Variants in INPP4A observed in about 807,000 individuals in gnomAD.
INPP4A encodes inositol polyphosphate-4-phosphatase, type I, 107kD.
Under a neutral mutation model 119.8 loss-of-function variants are expected in INPP4A, and 33 were observed. That is an observed-to-expected ratio of 0.28 (90% CI 0.21 to 0.37). INPP4A has a LOEUF of 0.37. Among genes scored for constraint, INPP4A ranks in the 10% least tolerant of loss-of-function variants. The pLI, the probability that INPP4A is intolerant of heterozygous loss-of-function variation, is 1.00. For synonymous variants in INPP4A, 496 were observed against 500.7 expected, an observed-to-expected ratio of 0.99 and a Z score of 0.12; for missense variants, 956 against 1,289.9, an observed-to-expected ratio of 0.74 and a Z score of 3.97.
In INPP4A at chr2:98,592,182, C is replaced by G. The variant is rs143135043; in HGVS notation, c.*4574C>G. 9 of 152,440 alleles carry G rather than the reference C, an allele frequency of 5.9e-5. No individual in the cohort carries two copies. In the East Asian group the frequency reaches 1.7e-3, roughly 29 times the overall value. 9.4% of individuals were successfully genotyped at this position (152,440 alleles called of 1,614,324 possible). ...CAAACTCTCTTCTTCTTATCACTTT[C>G]TCCCCAAAATGTCCTCTTCTACCAG... On this transcript the variant is annotated 3_prime_UTR_variant, in exon 25 of 25. Coordinates refer to ENST00000409851, the MANE Select transcript of INPP4A (RefSeq NM_001134225.2).
rs568623074 is a variant in INPP4A, at chr2:98,592,394, C to T, written c.*4786C>T. ...GCAGGAAACAGCTCAGGCTGCCTGA[C>T]CTGGCCCCCGGCTGCCCATGAGGGC... On this transcript the variant is annotated 3_prime_UTR_variant, in exon 25 of 25. Transcript: ENST00000409851. The T allele has an allele frequency of 3.3e-5, 5 of 152,332 alleles. No individual in the cohort carries two copies. In the South Asian group the frequency reaches 1.0e-3, roughly 32 times the overall value. 9.4% of individuals were successfully genotyped at this position (152,332 alleles called of 1,614,324 possible).
intron 1 of INPP4A, among the ~76,000 whole-genome samples, chr2:98,472,294 G>C (rs1251244996): frequency 3.3e-5 from 5 of 152,218 alleles, no homozygotes. Context: ...CCTGCTCCTG[G>C]GAGTTCCCTC....
At chr2:98,460,911 G>T (rs889315376) in intron 1 of INPP4A, among the ~76,000 whole-genome samples, 1 of 152,216 alleles carries the variant, frequency 6.6e-6, no homozygotes, top group African/African-American at 2.4e-5. Context: ...ACACCATGAG[G>T]AAGAGGAAGC....
chr2:98,545,902 C>A, intron 11 of INPP4A, 67 bp from the exon 12 acceptor site: 1 of 1,144,768 alleles, frequency 8.7e-7, no homozygotes, highest in Non-Finnish European at 1.2e-6. Flanking sequence ...ATTCCATTTT[C>A]TACTTGCAAC....
At chr2:98,545,884 T>A in intron 11 of INPP4A, 85 bp from the exon 12 acceptor site, 1 of 904,386 alleles carries the variant, frequency 1.1e-6, no homozygotes, top group South Asian at 1.7e-5. Context: ...TGCCACAGCA[T>A]CCTCTGAATT....
chr2:98,563,933 GTTT>G (rs60347668), intron 18 of INPP4A, among the ~76,000 whole-genome samples: 6 of 125,490 alleles, frequency 4.8e-5, no homozygotes, highest in Non-Finnish European at 8.5e-5. Context: ...TCTTTGCTGC[GTTT>G]TTTTTTTTTT....
intron 23 of INPP4A, among the ~76,000 whole-genome samples, chr2:98,576,444 G>A (rs1698435324): frequency 6.6e-6 from 1 of 152,164 alleles, no homozygotes; most frequent in Admixed American, 6.5e-5. Flanking sequence ...TGGTCAGGAG[G>A]TGGCCAAAGG....
chr2:98,553,686 C>T (rs933967884), intron 14 of INPP4A, among the ~76,000 whole-genome samples: 2 of 152,142 alleles, frequency 1.3e-5, no homozygotes, highest in Admixed American at 1.3e-4. Flanking sequence ...GGTGTTCACA[C>T]AGCATAGAGT....
rs1447994418 is a variant in INPP4A at position 98,539,541 on chromosome 2, C to G, written c.684C>G (p.Ala228=). The G allele has an allele frequency of 1.2e-6, 2 of 1,609,208 alleles. No individual in the cohort carries two copies. Among genetic ancestry groups the G allele is most frequent in the Non-Finnish European group, 1.7e-6 (2 of 1,177,154 alleles). Residue 228 remains alanine (A), a synonymous_variant, in exon 10 of 25, where the codon GCC becomes GCG. Coordinates refer to ENST00000409851, the MANE Select transcript of INPP4A (RefSeq NM_001134225.2). ...DTLLKSVFGG[A]ICRMYRFPTT... is the part of the protein sequence containing the mutation. ...ATCCCACCTCAGTGTTCGGTGGTGC[C>G]ATCTGCCGCATGTACCGGTTTCCAA...
chr2:98,536,169 T>G lies in INPP4A; in HGVS notation c.428T>G (p.Leu143Arg), dbSNP rs947710994. The change falls in exon 7 of 25, where the codon CTG becomes CGG. Residue 143 changes from leucine (L) to arginine (R), a missense_variant. Transcript: ENST00000409851. ...TCTGGAACGTTCATTGTCAAAGATC[T>G]GCTCCAGGACAGGCATCATAGGTTG... ...LGSGTFIVKD[L>R]LQDRHHRLHL... 1 of 1,612,188 alleles carries G rather than the reference T, an allele frequency of 6.2e-7. No individual in the cohort carries two copies.
intron 16 of INPP4A, among the ~76,000 whole-genome samples, chr2:98,559,212 T>A (rs371025392): frequency 2.0e-5 from 3 of 152,384 alleles, no homozygotes. Flanking sequence ...GTTGAACTAT[T>A]GGCAACATGA....
At chr2:98,539,797 C>G (rs1249688015) in intron 10 of INPP4A, 122 bp downstream of exon 10, 2 of 965,826 alleles carry the variant, frequency 2.1e-6, no homozygotes, top group Non-Finnish European at 2.9e-6. Flanking sequence ...AGCCTCTCCC[C>G]CTGCAGCTCT....
In INPP4A at chr2:98,590,711, C is replaced by T. The variant is rs1335965310; in HGVS notation, c.*3103C>T. ...GCACCACTGTGCCGTCTTCTAGGCA[C>T]ACACGACCCGTTATCTCCCTTGGAA... On this transcript the variant is annotated 3_prime_UTR_variant, in exon 25 of 25. Transcript: ENST00000409851. 3 of 218,976 alleles carry T rather than the reference C, an allele frequency of 1.4e-5. No homozygotes were observed. Among genetic ancestry groups the T allele is most frequent in the African/African-American group, 6.7e-5 (3 of 44,574 alleles). The allele number at this position is 218,976 out of a possible 1,614,324, so 13.6% of individuals were successfully genotyped here.
intron 10 of INPP4A, among the ~76,000 whole-genome samples, chr2:98,542,047 A>G (rs1257748232): frequency 1.3e-5 from 2 of 152,258 alleles, no homozygotes. Context: ...GGAACTCCAG[A>G]TGTTTCAGCG....
chr2:98,563,489 C>T lies in INPP4A; in HGVS notation c.1880C>T (p.Pro627Leu), dbSNP rs1394330959. Reference sequence around the variant, plus strand: ...GGTGAATGGAGTGAGGCCCTTTACCCGCTGCTGACCACTCTCACCGACTGC... The same window carrying T: ...GGTGAATGGAGTGAGGCCCTTTACCTGCTGCTGACCACTCTCACCGACTGC... ...SPGEWSEALYPLLTTLTDCVA... is the reference protein window; with the variant it reads ...SPGEWSEALYLLLTTLTDCVA... Residue 627 changes from proline to leucine, a missense_variant, in exon 18 of 25, where the codon CCG (proline) becomes CTG (leucine). Pro to Leu is a moderately conservative substitution (Grantham distance 98, BLOSUM62 -3). Transcript: ENST00000409851. The T allele has an allele frequency of 9.9e-6, 16 of 1,613,152 alleles. No individual in the cohort carries two copies. The highest frequency in any genetic ancestry group is 6.7e-5 in the Admixed American group (4 of 59,922).
At chr2:98,529,991 G>C (rs1223891229) in intron 4 of INPP4A, among the ~76,000 whole-genome samples, 1 of 152,150 alleles carries the variant, frequency 6.6e-6, no homozygotes, top group Non-Finnish European at 1.5e-5. Flanking sequence ...AGGAGACCTA[G>C]AAGCAGAGAG....
chr2:98,578,871 T>C (rs946445867), intron 24 of INPP4A, among the ~76,000 whole-genome samples: 3 of 152,246 alleles, frequency 2.0e-5, no homozygotes, highest in Admixed American at 6.5e-5. Context: ...TTTGGATACA[T>C]ACTGTCTAGA....
At chr2:98,451,898 T>TA (rs1695293471) in intron 1 of INPP4A, among the ~76,000 whole-genome samples, 1 of 152,054 alleles carries the variant, frequency 6.6e-6, no homozygotes, top group African/African-American at 2.4e-5. Flanking sequence ...TCTCCCTGGA[T>TA]TATGGGGTGT....
At chr2:98,543,445 A>G (rs111733877) in intron 10 of INPP4A, among the ~76,000 whole-genome samples, 1,663 of 152,278 alleles carry the variant, frequency 0.011, 50 homozygotes, top group African/African-American at 0.038. Context: ...GAGGTGGCTC[A>G]TTGCGATTAC....
Sources: allele counts gnomAD v4.1 joint callset (sites outside exome capture counted in the v4.1 genomes callset), GRCh38; gene constraint gnomAD v4.1.1; transcripts MANE v1.5; gene names NCBI Gene and HGNC (gene_info 2026-07-23, HGNC 2026-07-21).